The following MGAT3 variants were observed in gnomAD, a reference collection of about 807,000 sequenced individuals.
The protein encoded by MGAT3 is beta-1,4-mannosyl-glycoprotein 4-beta-N-acetylglucosaminyltransferase.
Under a neutral mutation model 29.8 loss-of-function variants are expected in MGAT3, and 9 were observed. The ratio of observed to expected loss-of-function variants is 0.30; its 90% CI spans 0.18 to 0.53. The LOEUF (loss-of-function observed/expected upper bound fraction) is 0.53. Ranked by LOEUF, MGAT3 falls within the 20% of genes least tolerant of loss-of-function variation. The probability of loss-of-function intolerance (pLI) is 0.96; values close to 1 mark genes in which losing one functional copy is unlikely to be tolerated. For missense variants in MGAT3, 557 were observed against 769.5 expected (o/e 0.72, Z 3.27); for synonymous variants, 397 against 348.9 (o/e 1.14, Z -1.54).
intron 1 of MGAT3, among the ~76,000 whole-genome samples, chr22:39,481,321 G>A (rs1248534727): frequency 6.6e-6 from 1 of 152,194 alleles, no homozygotes; most frequent in East Asian, 1.9e-4. Context: ...ACATAATGAC[G>A]CACTCGCTCC....
chr22:39,479,744 C>T (rs1033987979), intron 1 of MGAT3, among the ~76,000 whole-genome samples: 1 of 152,236 alleles, frequency 6.6e-6, no homozygotes, highest in African/African-American at 2.4e-5. Context: ...CACAAGGCCA[C>T]ACAGATAGGA....
At chr22:39,462,055 C>T (rs1213626670) in intron 1 of MGAT3, among the ~76,000 whole-genome samples, 1 of 152,178 alleles carries the variant, frequency 6.6e-6, no homozygotes, top group African/African-American at 2.4e-5. Flanking sequence ...GCACGTGCCA[C>T]CATGCCCAGC....
In MGAT3 at chr22:39,457,253, C is replaced by A. The variant is rs1349529091; in HGVS notation, c.-306C>A. 1 of 144,890 alleles carries A rather than the reference C, an allele frequency of 6.9e-6. No homozygotes were observed. The highest frequency in any genetic ancestry group is 2.5e-5 in the African/African-American group (1 of 40,418). The allele number at this position is 144,890 out of a possible 1,614,324, so 9.0% of individuals were successfully genotyped here. A position where few individuals can be genotyped will look rare whatever the true frequency, so the allele number is the denominator to read the frequency against. ...GCCTCGCCTCCGCGCCCCCCGCGCG[C>A]CCGCCGCGGTCCCTCCCCCGCGCCC... is the stretch of plus-strand genomic sequence containing the variant. On this transcript the variant is annotated 5_prime_UTR_variant, in exon 1 of 2. Transcript: ENST00000341184. This position sits in a 1 kb window ranked among gnomAD's most constrained non-coding sequence, Gnocchi z 6.8.
intron 1 of MGAT3, among the ~76,000 whole-genome samples, chr22:39,461,679 C>G (rs955377037): frequency 3.0e-4 from 46 of 152,294 alleles, no homozygotes; most frequent in African/African-American, 1.1e-3. Flanking sequence ...TCATGACCCC[C>G]TTCCTCTGTG....
In MGAT3 at chr22:39,488,368, G is replaced by A. The variant is rs772229817; in HGVS notation, c.1021G>A (p.Ala341Thr). Residue 341 changes from alanine to threonine, a missense_variant, in exon 2 of 2, where the codon GCC (alanine) becomes ACC (threonine). Transcript: ENST00000341184. Reference protein sequence around the residue: ...KLYDGWTEPFAFHMRKSLYGF... With the variant: ...KLYDGWTEPFTFHMRKSLYGF... The stretch of plus-strand genomic sequence containing the variant: ...CTACGATGGCTGGACCGAGCCCTTC[G>A]CCTTCCACATGCGCAAGTCGCTCTA... 6.2e-7 allele frequency: 1 copy of A among 1,612,530 alleles called. No individual in the cohort carries two copies. The highest frequency in any genetic ancestry group is 8.5e-7 in the Non-Finnish European group (1 of 1,180,008).
intron 1 of MGAT3, among the ~76,000 whole-genome samples, chr22:39,461,221 T>TTAATAGA (rs1928489192): frequency 6.6e-6 from 1 of 152,096 alleles, no homozygotes; most frequent in African/African-American, 2.4e-5. Flanking sequence ...CAGCGGGTGC[T>TTAATAGA]TAATAGATGA....
intron 1 of MGAT3, among the ~76,000 whole-genome samples, chr22:39,473,970 G>T (rs1298803101): frequency 6.6e-6 from 1 of 152,050 alleles, no homozygotes; most frequent in East Asian, 1.9e-4. Flanking sequence ...GAGCCTCCTG[G>T]AGTCTGGGCC....
At chr22:39,460,812 A>G (rs1044368751) in intron 1 of MGAT3, among the ~76,000 whole-genome samples, 3 of 152,074 alleles carry the variant, frequency 2.0e-5, no homozygotes, top group Admixed American at 6.6e-5. Flanking sequence ...TAAATAGATA[A>G]ATAAATAAAA....
chr22:39,464,751 T>TTC (rs1376934205), intron 1 of MGAT3, among the ~76,000 whole-genome samples: 24 of 150,496 alleles, frequency 1.6e-4, no homozygotes, highest in African/African-American at 5.4e-4. Flanking sequence ...TGATACATAT[T>TTC]TATTTTTTTT....
intron 1 of MGAT3, among the ~76,000 whole-genome samples, chr22:39,475,242 G>T (rs1351921707): frequency 2.0e-5 from 3 of 150,564 alleles, no homozygotes; most frequent in Non-Finnish European, 4.4e-5. Context: ...TGTGTTTTTT[G>T]GGGGCGAGTC....
At chr22:39,464,482 C>T (rs1928582377) in intron 1 of MGAT3, among the ~76,000 whole-genome samples, 1 of 152,114 alleles carries the variant, frequency 6.6e-6, no homozygotes, top group African/African-American at 2.4e-5. Flanking sequence ...CTGTGTCACC[C>T]AGGCTGGAGT....
In MGAT3 at chr22:39,491,293, AAGTCAC is replaced by A. The variant is rs1363066840; in HGVS notation, c.*2347_*2352del. The A allele has an allele frequency of 3.0e-5, 5 of 167,358 alleles. No homozygotes were observed. The highest frequency in any genetic ancestry group is 1.2e-4 in the African/African-American group (5 of 41,414). 10.4% of individuals were successfully genotyped at this position (167,358 alleles called of 1,614,324 possible). A position where few individuals can be genotyped will look rare whatever the true frequency, so the allele number is the denominator to read the frequency against. On this transcript the variant is annotated 3_prime_UTR_variant, in exon 2 of 2. Coordinates refer to ENST00000341184, the MANE Select transcript of MGAT3 (RefSeq NM_002409.5). This position sits in a 1 kb window ranked among gnomAD's most constrained non-coding sequence, Gnocchi z 5.5. ...GACTGCCCCCCATGGAACTCCTTTG[AAGTCAC>A]AGCAGCCTTCCTTTCTGTTTGCTCT...
intron 1 of MGAT3, among the ~76,000 whole-genome samples, chr22:39,462,313 T>A (rs891412412): frequency 6.6e-6 from 1 of 152,212 alleles, no homozygotes; most frequent in Admixed American, 6.5e-5. Context: ...GTCTTTGGCG[T>A]GTTTGTTACG....
Position 39,467,103 on chromosome 22 carries a change from A to G in MGAT3, c.-2+9546A>G, listed in dbSNP as rs368970895. On this transcript the variant is annotated intron_variant, in intron 1 of 1. Transcript: ENST00000341184. ...ACATGTGTATGCACACAGCATGAAC[A>G]TCTCCATCACATATAAACTAGCGTC... Among the ~76,000 whole-genome samples, 8 of 152,248 alleles carry G rather than the reference A, an allele frequency of 5.3e-5. No individual in the cohort carries two copies. The East Asian group carries it at 1.5e-3, about 29-fold the overall frequency.
At position 39,457,712 on chromosome 22, in the gene MGAT3, GC is replaced by G. The variant is rs1228123188; in HGVS notation, c.-2+158del. ...GGGCGCGGGCGCACTGGGGCTGGGG[GC>G]CCGGAGGCCGCGGTGGGGGCGGGAT... On this transcript the variant is annotated intron_variant, in intron 1 of 1. Coordinates refer to ENST00000341184, the MANE Select transcript of MGAT3 (RefSeq NM_002409.5). This position sits in a 1 kb window ranked among gnomAD's most constrained non-coding sequence, Gnocchi z 6.8. 6.7e-6 allele frequency among the ~76,000 whole-genome samples: 1 copy of G among 150,220 alleles called. No homozygotes were observed. Among genetic ancestry groups the G allele is most frequent in the Non-Finnish European group, 1.5e-5 (1 of 67,272 alleles).
At chr22:39,472,574 A>C (rs939266333) in intron 1 of MGAT3, among the ~76,000 whole-genome samples, 1 of 151,836 alleles carries the variant, frequency 6.6e-6, no homozygotes, top group Admixed American at 6.6e-5. Flanking sequence ...CAGTGTCCCT[A>C]CCTCCTCAAG....
At chr22:39,482,356 G>A (rs1316005612) in intron 1 of MGAT3, among the ~76,000 whole-genome samples, 1 of 152,174 alleles carries the variant, frequency 6.6e-6, no homozygotes, top group Non-Finnish European at 1.5e-5. Flanking sequence ...CATGGCTTTA[G>A]CCCACAGCTG....
intron 1 of MGAT3, among the ~76,000 whole-genome samples, chr22:39,481,131 G>A (rs1402404541): frequency 6.6e-6 from 1 of 152,170 alleles, no homozygotes; most frequent in Admixed American, 6.5e-5. Flanking sequence ...TGCCCCCCAT[G>A]TCCCCTCACT....
In MGAT3 at chr22:39,465,050, C is replaced by T. The variant is rs565438455; in HGVS notation, c.-2+7493C>T. Among the ~76,000 whole-genome samples, 4 of 152,270 alleles carry T rather than the reference C, an allele frequency of 2.6e-5. No individual in the cohort carries two copies. The East Asian group carries it at 5.8e-4, about 22-fold the overall frequency. On this transcript the variant is annotated intron_variant, in intron 1 of 1. Transcript: ENST00000341184. Reference sequence around the variant, plus strand: ...GATTACAGCCATGAGCCACCACGCCCGGCCTCTGTCAGGCTTTATCTTTCT... The same window carrying T: ...GATTACAGCCATGAGCCACCACGCCTGGCCTCTGTCAGGCTTTATCTTTCT...
Sources: allele counts gnomAD v4.1 joint callset (sites outside exome capture counted in the v4.1 genomes callset), GRCh38; gene constraint gnomAD v4.1.1; non-coding constraint Gnocchi (gnomAD v3.1); transcripts MANE v1.5; gene names NCBI Gene and HGNC (gene_info 2026-07-23, HGNC 2026-07-21).